The following CTNND2 variants were observed in gnomAD, a reference collection of about 807,000 sequenced individuals.
CTNND2 encodes the protein catenin delta-2.
Under a neutral mutation model 144.4 loss-of-function variants are expected in CTNND2, and 22 were observed. The observed-to-expected ratio is 0.15, with a 90% CI of 0.11 to 0.22. The LOEUF is 0.22. CTNND2 is among the 10% of genes least tolerant of loss of function. The pLI, the probability that CTNND2 is intolerant of heterozygous loss-of-function variation, is 1.00. For synonymous variants in CTNND2, 751 were observed against 695.6 expected (o/e 1.08, Z -1.25); for missense variants, 1,353 against 1,618.8 (o/e 0.84, Z 2.82).
At chr5:11,158,428 A>T (rs61753308) in intron 12 of CTNND2, among the ~76,000 whole-genome samples, 2 of 152,168 alleles carry the variant, frequency 1.3e-5, no homozygotes, top group African/African-American at 2.4e-5. Flanking sequence ...GGTAGCACCT[A>T]TCCAGAGAAA....
chr5:11,295,354 C>A (rs1748808512), intron 9 of CTNND2, among the ~76,000 whole-genome samples: 1 of 152,132 alleles, frequency 6.6e-6, no homozygotes, highest in Non-Finnish European at 1.5e-5. Flanking sequence ...AATGGAAGAA[C>A]ATTCCGTGTT....
At chr5:11,183,142 A>T (rs898188652) in intron 11 of CTNND2, among the ~76,000 whole-genome samples, 2 of 152,252 alleles carry the variant, frequency 1.3e-5, no homozygotes, top group Non-Finnish European at 2.9e-5. Flanking sequence ...ATGACAAAAA[A>T]ATTTCACATC....
intron 2 of CTNND2, among the ~76,000 whole-genome samples, chr5:11,602,184 A>T (rs1205086683): frequency 1.3e-5 from 2 of 152,180 alleles, no homozygotes; most frequent in East Asian, 3.9e-4. Context: ...TCATAATTTA[A>T]TTTTTAACAT....
chr5:11,400,811 C>G (rs1326838908), intron 5 of CTNND2, among the ~76,000 whole-genome samples: 1 of 152,170 alleles, frequency 6.6e-6, no homozygotes, highest in Non-Finnish European at 1.5e-5. Context: ...CAGGCAGAGG[C>G]AAAGAGGTTA....
chr5:11,322,852 G>C (rs1273153271), intron 9 of CTNND2, among the ~76,000 whole-genome samples: 3 of 152,042 alleles, frequency 2.0e-5, no homozygotes, highest in African/African-American at 7.2e-5. Flanking sequence ...TCTGTGTACG[G>C]AGATACCTGC....
chr5:11,222,649 T>TA (rs1739916168), intron 10 of CTNND2, among the ~76,000 whole-genome samples: 2 of 151,898 alleles, frequency 1.3e-5, no homozygotes, highest in Non-Finnish European at 2.9e-5. Flanking sequence ...CTACAAAAAA[T>TA]AAAAAAATTA....
Position 11,633,357 on chromosome 5 carries a change from T to C in CTNND2, c.175-68301A>G, listed in dbSNP as rs1381675713. The stretch of plus-strand genomic sequence containing the variant: ...TGGGATGAAATATTCAAAAGAAACA[T>C]ACCTGAAACTAACTACGGAGCCCCA... On this transcript the variant is annotated intron_variant, in intron 2 of 21. Coordinates refer to ENST00000304623, the MANE Select transcript of CTNND2 (RefSeq NM_001332.4). Among the ~76,000 whole-genome samples, 5 of 152,034 alleles carry C rather than the reference T, an allele frequency of 3.3e-5. No individual in the cohort carries two copies. In the East Asian group the frequency reaches 5.8e-4, roughly 18 times the overall value.
At chr5:11,323,689 G>A (rs1388827967) in intron 9 of CTNND2, among the ~76,000 whole-genome samples, 1 of 152,044 alleles carries the variant, frequency 6.6e-6, no homozygotes, top group African/African-American at 2.4e-5. Context: ...TTAAGTTGAG[G>A]CAATTGCAAT....
At chr5:11,712,217 G>A (rs751996102) in intron 2 of CTNND2, among the ~76,000 whole-genome samples, 1 of 152,184 alleles carries the variant, frequency 6.6e-6, no homozygotes, top group East Asian at 1.9e-4. Context: ...GGAGAAAAAG[G>A]CTTTAACCTT....
chr5:10,998,481 T>G (rs1486884426), intron 18 of CTNND2, among the ~76,000 whole-genome samples: 1 of 152,230 alleles, frequency 6.6e-6, no homozygotes, highest in Non-Finnish European at 1.5e-5. Flanking sequence ...AAAATTTGTG[T>G]GCTGTGAGAA....
intron 9 of CTNND2, among the ~76,000 whole-genome samples, chr5:11,303,119 A>G (rs143348885): frequency 5.6e-4 from 86 of 152,342 alleles, no homozygotes; most frequent in Non-Finnish European, 9.7e-4. Context: ...GGGTTGCCTC[A>G]GAAACTTCCT....
At chr5:11,611,606 C>T (rs1169882364) in intron 2 of CTNND2, among the ~76,000 whole-genome samples, 5 of 151,914 alleles carry the variant, frequency 3.3e-5, no homozygotes, top group African/African-American at 1.2e-4. Flanking sequence ...GGTGAAACCC[C>T]GACTCTAATA....
At chr5:11,300,624 C>CTT (rs61271659) in intron 9 of CTNND2, among the ~76,000 whole-genome samples, 3 of 146,354 alleles carry the variant, frequency 2.0e-5, no homozygotes, top group African/African-American at 5.0e-5. Flanking sequence ...AGACAAACAA[C>CTT]TTTTTTTTTT....
intron 10 of CTNND2, among the ~76,000 whole-genome samples, chr5:11,225,378 TA>T (rs1740218046): frequency 6.6e-6 from 1 of 152,196 alleles, no homozygotes; most frequent in Admixed American, 6.5e-5. Flanking sequence ...TTCCTAACAT[TA>T]AGACCCCTAT....
chr5:11,705,033 A>G (rs1481859319), intron 2 of CTNND2, among the ~76,000 whole-genome samples: 2 of 151,976 alleles, frequency 1.3e-5, no homozygotes, highest in Non-Finnish European at 2.9e-5. Flanking sequence ...TCATTTTCTG[A>G]CAATTAAATT....
At chr5:11,491,929 A>G (rs1274989512) in intron 3 of CTNND2, among the ~76,000 whole-genome samples, 1 of 152,200 alleles carries the variant, frequency 6.6e-6, no homozygotes, top group Non-Finnish European at 1.5e-5. Flanking sequence ...TCACCAAAAC[A>G]CTGCTATTTC....
chr5:11,691,321 G>A lies in CTNND2; in HGVS notation c.174+40815C>T, dbSNP rs137999531. ...AGGAGGTTGGAGCTTGCAGTGAGCC[G>A]AGATTGCGCCACTTCACTCCAGCCT... On this transcript the variant is annotated intron_variant, in intron 2 of 21. Coordinates refer to ENST00000304623, the MANE Select transcript of CTNND2 (RefSeq NM_001332.4). Among the ~76,000 whole-genome samples the A allele has an allele frequency of 4.4e-3, 670 of 151,892 alleles. 10 individuals are homozygous for A. The highest frequency in any genetic ancestry group is 0.016 in the African/African-American group (645 of 41,364).
At chr5:11,791,382 A>G (rs1317918026) in intron 1 of CTNND2, among the ~76,000 whole-genome samples, 3 of 152,222 alleles carry the variant, frequency 2.0e-5, no homozygotes, top group African/African-American at 7.2e-5. Flanking sequence ...GAAAATGCTG[A>G]TATTAAGCCA....
At chr5:11,607,690 C>T (rs903539509) in intron 2 of CTNND2, among the ~76,000 whole-genome samples, 1 of 152,158 alleles carries the variant, frequency 6.6e-6, no homozygotes, top group Non-Finnish European at 1.5e-5. Context: ...ATATTCCTTG[C>T]ATTTATTCAA....
Sources: allele counts gnomAD v4.1 joint callset (sites outside exome capture counted in the v4.1 genomes callset), GRCh38; gene constraint gnomAD v4.1.1; transcripts MANE v1.5; gene names NCBI Gene and HGNC (gene_info 2026-07-23, HGNC 2026-07-21).